Variants in MGAT4C observed in about 807,000 individuals in gnomAD.
The protein encoded by MGAT4C is MGAT4 family member C.
Under a neutral mutation model 40.1 loss-of-function variants are expected in MGAT4C, and 19 were observed. The ratio of observed to expected loss-of-function variants is 0.47; its 90% CI spans 0.33 to 0.70. The LOEUF (loss-of-function observed/expected upper bound fraction) is 0.70, where lower values mean the gene tolerates loss of function less well. Ranked by LOEUF, MGAT4C falls within the 30% of genes least tolerant of loss-of-function variation. The pLI, the probability that MGAT4C is intolerant of heterozygous loss-of-function variation, is 0.02. For synonymous variants in MGAT4C, 181 were observed against 187.1 expected (o/e 0.97, Z 0.27); for missense variants, 491 against 563.2 (o/e 0.87, Z 1.30).
rs112989602 is a variant in MGAT4C, at chr12:86,421,846, C to T, written c.-120+13311G>A. Among the ~76,000 whole-genome samples the T allele has an allele frequency of 5.0e-3, 757 of 152,246 alleles. 3 individuals are homozygous for T. Among genetic ancestry groups the T allele is most frequent in the African/African-American group, 0.018 (728 of 41,550 alleles). On this transcript the variant is annotated intron_variant, in intron 3 of 7. Coordinates refer to the MGAT4C transcript ENST00000548651. ...AGAGAAAAATATAAGTCCCACATAT[C>T]ATGCGTATGTTATATCTGGTATATG...
chr12:86,636,392 G>A (rs1355304622), intron 2 of MGAT4C, among the ~76,000 whole-genome samples: 4 of 152,066 alleles, frequency 2.6e-5, no homozygotes, highest in Middle Eastern at 3.4e-3. Flanking sequence ...AGTACTCTAG[G>A]ATGTTTGTGC....
intron 2 of MGAT4C, among the ~76,000 whole-genome samples, chr12:86,450,289 T>TTTGA (rs1957403791): frequency 6.6e-6 from 1 of 152,140 alleles, no homozygotes. Flanking sequence ...CTCCACATAA[T>TTTGA]TTGATTATCT....
At chr12:86,013,695 C>T in intron 2 of MGAT4C, 2 of 983,044 alleles carry the variant, frequency 2.0e-6, no homozygotes, top group Non-Finnish European at 2.4e-6. Flanking sequence ...ATTTTACCTA[C>T]TGTTTACAAA....
In MGAT4C at chr12:86,034,253, G is replaced by T. The variant is rs115605047; in HGVS notation, c.-7+15421C>A. On this transcript the variant is annotated intron_variant, in intron 2 of 4. Transcript: ENST00000611864. The stretch of plus-strand genomic sequence containing the variant: ...CTCTGCCAGGTTTCAGTATCAGGAT[G>T]ATGCTAGCCTCCTAGAATGAGTTAG... 2.2e-3 allele frequency among the ~76,000 whole-genome samples: 323 copies of T among 149,770 alleles called. 6 individuals carry two copies. The highest frequency in any genetic ancestry group is 7.5e-3 in the African/African-American group (309 of 41,326).
Position 86,062,625 on chromosome 12 carries a change from A to T in MGAT4C, c.-56-12902T>A, listed in dbSNP as rs6539944. 3.6e-3 allele frequency among the ~76,000 whole-genome samples: 541 copies of T among 151,752 alleles called. 3 individuals carry two copies. The highest frequency in any genetic ancestry group is 0.013 in the African/African-American group (518 of 41,394). On this transcript the variant is annotated intron_variant, in intron 1 of 4. Transcript: ENST00000611864. ...TAACCCAATGTAAGGAAGCTAAGAA[A>T]CTTGAAAAAAGGTTAGATGAATTGC...
At chr12:86,340,902 T>C (rs1354808139) in intron 3 of MGAT4C, among the ~76,000 whole-genome samples, 1 of 152,154 alleles carries the variant, frequency 6.6e-6, no homozygotes, top group Non-Finnish European at 1.5e-5. Context: ...AAGTTTAACC[T>C]GGTTGATTTT....
intron 1 of MGAT4C, among the ~76,000 whole-genome samples, chr12:86,824,934 A>C (rs1448999321): frequency 6.6e-6 from 1 of 151,392 alleles, no homozygotes; most frequent in African/African-American, 2.4e-5. Flanking sequence ...TGAGTTAAAT[A>C]ATCTTTTAAG....
intron 1 of MGAT4C, among the ~76,000 whole-genome samples, chr12:86,066,873 C>A (rs556133578): frequency 2.0e-5 from 3 of 151,846 alleles, no homozygotes; most frequent in African/African-American, 2.4e-5. Context: ...AGAAAAAAAA[C>A]CACCACATCA....
intron 4 of MGAT4C, among the ~76,000 whole-genome samples, chr12:86,332,241 T>C (rs1335868299): frequency 2.6e-5 from 4 of 152,186 alleles, no homozygotes. Flanking sequence ...AGAAAGATTT[T>C]ACTGATTGCT....
chr12:86,477,525 T>G (rs890852481), intron 2 of MGAT4C, among the ~76,000 whole-genome samples: 43 of 152,006 alleles, frequency 2.8e-4, no homozygotes, highest in African/African-American at 9.4e-4. Flanking sequence ...AACGTGCACA[T>G]GTACCCGCTG....
chr12:86,537,268 A>G (rs1030680012), intron 2 of MGAT4C, among the ~76,000 whole-genome samples: 24 of 152,100 alleles, frequency 1.6e-4, no homozygotes, highest in Non-Finnish European at 2.2e-4. Context: ...TACACCTAAC[A>G]TTAAATGACG....
intron 4 of MGAT4C, among the ~76,000 whole-genome samples, chr12:86,308,774 G>A (rs974070524): frequency 4.0e-5 from 6 of 150,392 alleles, no homozygotes; most frequent in African/African-American, 1.3e-4. Context: ...ACCCACTATG[G>A]TTGAGACACT....
chr12:85,983,820 C>T, intron 3 of MGAT4C, 150 bp from the exon 4 acceptor site: 3 of 572,064 alleles, frequency 5.2e-6, no homozygotes, highest in Non-Finnish European at 8.2e-6. Flanking sequence ...TAAGCTGTAG[C>T]TCATCATCAC....
chr12:86,083,273 C>T (rs368123546), intron 1 of MGAT4C, among the ~76,000 whole-genome samples: 21 of 152,118 alleles, frequency 1.4e-4, no homozygotes, highest in Middle Eastern at 6.8e-3. Context: ...ATAATTAAGG[C>T]CTTTACCTAG....
chr12:86,781,175 A>G (rs1411033856), intron 1 of MGAT4C, among the ~76,000 whole-genome samples: 2 of 152,176 alleles, frequency 1.3e-5, no homozygotes, highest in Non-Finnish European at 2.9e-5. Flanking sequence ...TTAGATTCCC[A>G]GTAGTGGGAT....
At chr12:86,734,804 GC>G (rs1418720204) in intron 1 of MGAT4C, among the ~76,000 whole-genome samples, 1 of 152,022 alleles carries the variant, frequency 6.6e-6, no homozygotes, top group Non-Finnish European at 1.5e-5. Context: ...TTATACAGTA[GC>G]CTGAACTGAT....
intron 1 of MGAT4C, among the ~76,000 whole-genome samples, chr12:86,120,607 C>T (rs946361038): frequency 6.6e-6 from 1 of 152,162 alleles, no homozygotes; most frequent in East Asian, 1.9e-4. Flanking sequence ...GCAGCCTCTG[C>T]TGGTGATACC....
chr12:86,328,421 T>C (rs1454359129), intron 4 of MGAT4C, among the ~76,000 whole-genome samples: 2 of 152,172 alleles, frequency 1.3e-5, no homozygotes, highest in Non-Finnish European at 2.9e-5. Context: ...GAAAAGTCTA[T>C]GGAATCGACA....
At chr12:86,319,617 A>C (rs1385612488) in intron 4 of MGAT4C, among the ~76,000 whole-genome samples, 1 of 152,214 alleles carries the variant, frequency 6.6e-6, no homozygotes, top group Non-Finnish European at 1.5e-5. Context: ...ATTAAAAAGC[A>C]AGTGGAATGA....
Sources: gnomAD v4.1 joint callset for allele counts (sites outside exome capture counted in the v4.1 genomes callset) on GRCh38, gnomAD v4.1.1 for gene constraint, MANE v1.5 for transcripts, NCBI Gene and HGNC (gene_info 2026-07-23, HGNC 2026-07-21) for gene names.